Variants in HS3ST4 observed in about 807,000 individuals in gnomAD.
HS3ST4 encodes the protein heparan sulfate-glucosamine 3-sulfotransferase 4.
HS3ST4 carries 17 observed loss-of-function variants against 29.2 expected under a neutral mutation model. The observed-to-expected ratio is 0.58, with a 90% CI of 0.40 to 0.87. The LOEUF (loss-of-function observed/expected upper bound fraction) is 0.87, where lower values mean the gene tolerates loss of function less well. Ranked by LOEUF, HS3ST4 falls within the 40% of genes least tolerant of loss-of-function variation. HS3ST4 has a pLI of 0.00. For missense variants in HS3ST4, 627 were observed against 634.5 expected, an observed-to-expected ratio of 0.99 and a Z score of 0.13; for synonymous variants, 314 against 285.7, an observed-to-expected ratio of 1.10 and a Z score of -1.00.
chr16:25,974,061 C>A (rs1431080897), intron 1 of HS3ST4, among the ~76,000 whole-genome samples: 1 of 152,230 alleles, frequency 6.6e-6, no homozygotes, highest in Non-Finnish European at 1.5e-5. Flanking sequence ...CTGCCCAACT[C>A]TTACCAGAGA....
intron 1 of HS3ST4, among the ~76,000 whole-genome samples, chr16:25,866,069 C>T (rs2141657154): frequency 6.6e-6 from 1 of 152,292 alleles, no homozygotes; most frequent in Non-Finnish European, 1.5e-5. Flanking sequence ...GCAAACTATC[C>T]ATTTGTAATC....
chr16:25,981,900 A>G (rs1027698840), intron 1 of HS3ST4, among the ~76,000 whole-genome samples: 1 of 152,224 alleles, frequency 6.6e-6, no homozygotes, highest in Non-Finnish European at 1.5e-5. Flanking sequence ...TGGCTGTAAC[A>G]TGGAGTTGGT....
chr16:25,932,934 A>T (rs1968480444), intron 1 of HS3ST4, among the ~76,000 whole-genome samples: 1 of 152,212 alleles, frequency 6.6e-6, no homozygotes, highest in South Asian at 2.1e-4. Flanking sequence ...CGGATCTCAG[A>T]CACAGTAGAT....
chr16:26,081,496 G>A (rs1157603476), intron 1 of HS3ST4, among the ~76,000 whole-genome samples: 1 of 152,148 alleles, frequency 6.6e-6, no homozygotes, highest in East Asian at 1.9e-4. Flanking sequence ...GGCCCCTGAG[G>A]AGTTTATGCA....
chr16:26,135,513 T>C, intron 1 of HS3ST4, 99 bp from the exon 2 acceptor site: 1 of 1,189,234 alleles, frequency 8.4e-7, no homozygotes, highest in Middle Eastern at 2.9e-4. Flanking sequence ...TATTTGGTGG[T>C]TCCAAACTAG....
At chr16:25,970,994 G>A (rs1198313127) in intron 1 of HS3ST4, among the ~76,000 whole-genome samples, 1 of 152,008 alleles carries the variant, frequency 6.6e-6, no homozygotes, top group Non-Finnish European at 1.5e-5. Flanking sequence ...GGGATTACAG[G>A]TGTGTGTCAC....
chr16:25,888,745 A>G (rs1967978984), intron 1 of HS3ST4, among the ~76,000 whole-genome samples: 1 of 152,220 alleles, frequency 6.6e-6, no homozygotes, highest in Non-Finnish European at 1.5e-5. Context: ...AAAATAAGAG[A>G]GAGTAGATGT....
intron 1 of HS3ST4, among the ~76,000 whole-genome samples, chr16:26,064,403 G>T (rs1322255237): frequency 6.6e-6 from 1 of 152,168 alleles, no homozygotes; most frequent in Non-Finnish European, 1.5e-5. Context: ...ATGAGCAAAG[G>T]CTCAGAGGGA....
At chr16:25,983,988 A>C (rs1360696939) in intron 1 of HS3ST4, among the ~76,000 whole-genome samples, 1 of 152,104 alleles carries the variant, frequency 6.6e-6, no homozygotes, top group Non-Finnish European at 1.5e-5. Context: ...TTCATGGGGC[A>C]GTGATGTTTT....
chr16:25,884,314 G>C (rs995656753), intron 1 of HS3ST4, among the ~76,000 whole-genome samples: 1 of 152,160 alleles, frequency 6.6e-6, no homozygotes, highest in South Asian at 2.1e-4. Context: ...TTTTAAGGCT[G>C]CTTCTTTCAT....
chr16:25,719,782 A>G (rs562035584), intron 1 of HS3ST4, among the ~76,000 whole-genome samples: 2 of 152,352 alleles, frequency 1.3e-5, no homozygotes, highest in South Asian at 2.1e-4. Context: ...TATTTGCTCT[A>G]CATCCTCCTG....
At chr16:25,753,454 T>G (rs1261836352) in intron 1 of HS3ST4, among the ~76,000 whole-genome samples, 1 of 152,172 alleles carries the variant, frequency 6.6e-6, no homozygotes, top group Admixed American at 6.5e-5. Flanking sequence ...TGAGTTTCAG[T>G]TGGGTGTTTA....
In HS3ST4 at chr16:25,950,666, C is replaced by A. The variant is rs115479497; in HGVS notation, c.735-184946C>A. ...TCTCAAGCTGAAGAAGGATAAAGATCTAGGTTTGACACCTGGAGACTGCAT... is the reference window on the plus strand; with the variant it reads ...TCTCAAGCTGAAGAAGGATAAAGATATAGGTTTGACACCTGGAGACTGCAT... On this transcript the variant is annotated intron_variant, in intron 1 of 1. Coordinates refer to ENST00000331351, the MANE Select transcript of HS3ST4 (RefSeq NM_006040.3). 2.2e-3 allele frequency among the ~76,000 whole-genome samples: 339 copies of A among 152,100 alleles called. 3 individuals carry two copies. Among genetic ancestry groups the A allele is most frequent in the African/African-American group, 7.8e-3 (322 of 41,490 alleles).
At chr16:26,045,123 G>A (rs1480294983) in intron 1 of HS3ST4, among the ~76,000 whole-genome samples, 2 of 152,070 alleles carry the variant, frequency 1.3e-5, no homozygotes, top group Admixed American at 6.6e-5. Context: ...GACATATTAC[G>A]ATCCTGGCAT....
At chr16:26,041,167 G>A (rs1472825922) in intron 1 of HS3ST4, among the ~76,000 whole-genome samples, 1 of 151,800 alleles carries the variant, frequency 6.6e-6, no homozygotes, top group Non-Finnish European at 1.5e-5. Flanking sequence ...GTGAGACCTC[G>A]TCTCTATAAA....
At chr16:26,034,136 C>T (rs933787272) in intron 1 of HS3ST4, among the ~76,000 whole-genome samples, 3 of 152,136 alleles carry the variant, frequency 2.0e-5, no homozygotes, top group African/African-American at 7.2e-5. Flanking sequence ...GGAGTCTCTG[C>T]TCTCAGGCTC....
chr16:25,825,085 C>A (rs1192413581), intron 1 of HS3ST4, among the ~76,000 whole-genome samples: 1 of 152,154 alleles, frequency 6.6e-6, no homozygotes, highest in African/African-American at 2.4e-5. Flanking sequence ...GAGAAGAATT[C>A]TTTGTGAAGA....
At chr16:25,790,739 ATT>A (rs1462851805) in intron 1 of HS3ST4, among the ~76,000 whole-genome samples, 1 of 151,978 alleles carries the variant, frequency 6.6e-6, no homozygotes, top group Non-Finnish European at 1.5e-5. Context: ...AAAAAAATCG[ATT>A]TGCTTTTTTC....
At chr16:25,810,932 T>C (rs1967035944) in intron 1 of HS3ST4, among the ~76,000 whole-genome samples, 1 of 152,276 alleles carries the variant, frequency 6.6e-6, no homozygotes, top group Non-Finnish European at 1.5e-5. Context: ...GACTTTTGAG[T>C]GAGACAGATT....
Sources: allele counts gnomAD v4.1 joint callset (sites outside exome capture counted in the v4.1 genomes callset), GRCh38; gene constraint gnomAD v4.1.1; transcripts MANE v1.5; gene names NCBI Gene and HGNC (gene_info 2026-07-23, HGNC 2026-07-21).